RASA3: variants seen among roughly 807,000 people sequenced by gnomAD.
RASA3 encodes the protein ras GTPase-activating protein 3.
In RASA3, 73 loss-of-function variants were observed where a neutral mutation model predicts 110.0. The observed-to-expected ratio is 0.66, with a 90% CI of 0.55 to 0.81. The LOEUF is 0.81. RASA3 is among the 30% of genes least tolerant of loss of function. The pLI, the probability that RASA3 is intolerant of heterozygous loss-of-function variation, is 0.00. For missense variants in RASA3, 976 were observed against 1,113.2 expected (o/e 0.88, Z 1.75); for synonymous variants, 500 against 451.4 (o/e 1.11, Z -1.37).
chr13:114,043,511 G>C (rs1452275724), intron 3 of RASA3, among the ~76,000 whole-genome samples: 1 of 152,136 alleles, frequency 6.6e-6, no homozygotes, highest in Non-Finnish European at 1.5e-5. Context: ...CCCGGACGTA[G>C]ATACAGCACA....
In RASA3 at chr13:114,027,873, G is replaced by A. The variant is rs761959239; in HGVS notation, c.504C>T (p.Ala168=). 1 of 1,613,988 alleles carries A rather than the reference G, an allele frequency of 6.2e-7. No homozygotes were observed. The highest frequency in any genetic ancestry group is 8.5e-7 in the Non-Finnish European group (1 of 1,180,026). The stretch of plus-strand genomic sequence containing the variant: ...TGAAGGGTCCTGCCAGCGTCACGGT[G>A]GCGTAGGGGTCACATTGCCCATTCA... The part of the protein sequence containing the change: ...PIVNGQCDPY[A]TVTLAGPFRS... Residue 168 remains alanine (A), a synonymous_variant, in exon 6 of 24, where the codon GCC becomes GCT. Transcript: ENST00000334062.
intron 9 of RASA3, 70 bp from the exon 10 acceptor site, chr13:114,018,989 C>G: frequency 6.3e-7 from 1 of 1,580,866 alleles, no homozygotes; most frequent in Non-Finnish European, 8.6e-7. Flanking sequence ...TCAGGGAAGC[C>G]CAGCTGCCTG....
chr13:114,062,072 C>T (rs1339794304), intron 2 of RASA3, among the ~76,000 whole-genome samples: 5 of 152,184 alleles, frequency 3.3e-5, no homozygotes, highest in Non-Finnish European at 7.3e-5. Flanking sequence ...GGTTCCATCT[C>T]CCTTTCCACT....
intron 7 of RASA3, among the ~76,000 whole-genome samples, chr13:114,025,320 C>T (rs1395272427): frequency 6.6e-6 from 1 of 152,250 alleles, no homozygotes; most frequent in Non-Finnish European, 1.5e-5. Flanking sequence ...GCTGACGCCT[C>T]CTCCTTCCTG....
chr13:114,063,840 A>G (rs1425396055), intron 2 of RASA3, among the ~76,000 whole-genome samples: 1 of 152,242 alleles, frequency 6.6e-6, no homozygotes, highest in Non-Finnish European at 1.5e-5. Context: ...CGTCTTATAA[A>G]TATTTCTACA....
intron 1 of RASA3, among the ~76,000 whole-genome samples, chr13:114,122,143 C>T (rs1020047712): frequency 3.9e-5 from 6 of 152,364 alleles, no homozygotes; most frequent in Admixed American, 1.3e-4. Context: ...CCGGCCACGG[C>T]GGCAGAGCTT....
intron 19 of RASA3, 120 bp downstream of exon 19, chr13:114,000,683 AGGGCTCTGGGTCACCGCGGCCCC>A (rs2053373381): frequency 1.6e-6 from 1 of 637,772 alleles, no homozygotes; most frequent in Admixed American, 2.8e-5. Flanking sequence ...CCAGAAGCAG[AGGGCTCTGGGTCACCGCGGCCCC>A]GGGCTCTGCC....
intron 4 of RASA3, among the ~76,000 whole-genome samples, chr13:114,039,796 T>C (rs1333434169): frequency 2.0e-5 from 3 of 152,220 alleles, no homozygotes; most frequent in Non-Finnish European, 4.4e-5. Context: ...GCCCCAGCAC[T>C]GGAGCCCCCG....
At chr13:114,050,938 A>G (rs1018751851) in intron 3 of RASA3, among the ~76,000 whole-genome samples, 9 of 152,242 alleles carry the variant, frequency 5.9e-5, no homozygotes, top group Admixed American at 5.9e-4. Context: ...AGGAACAGGG[A>G]CGATGAAGAA....
At chr13:114,106,122 G>A (rs2080132717) in intron 1 of RASA3, among the ~76,000 whole-genome samples, 1 of 152,202 alleles carries the variant, frequency 6.6e-6, no homozygotes, top group African/African-American at 2.4e-5. Context: ...TGGCAGAGCG[G>A]CACACGGCCT....
rs982363820 is a variant in RASA3, at chr13:114,014,096, G to A, written c.1406-848C>T. Reference sequence around the variant, plus strand: ...TCCGTCTGTCTCTGCCTCTCTCTCCGTCTCTCCCTGTCTCTCTCTCTCTCT... The same window carrying A: ...TCCGTCTGTCTCTGCCTCTCTCTCCATCTCTCCCTGTCTCTCTCTCTCTCT... On this transcript the variant is annotated intron_variant, in intron 14 of 23. Transcript: ENST00000334062. The surrounding 1 kb of genome is among the most constrained non-coding windows in gnomAD (Gnocchi z 4.5). Among the ~76,000 whole-genome samples the A allele has an allele frequency of 7.0e-5, 7 of 99,350 alleles. No individual in the cohort carries two copies. Among genetic ancestry groups the A allele is most frequent in the African/African-American group, 1.9e-4 (5 of 26,838 alleles). 65.2% of individuals were successfully genotyped at this position (99,350 alleles called of 152,430 possible).
At chr13:114,033,912 G>C (rs993596592) in intron 4 of RASA3, among the ~76,000 whole-genome samples, 2 of 152,234 alleles carry the variant, frequency 1.3e-5, no homozygotes, top group Admixed American at 1.3e-4. Context: ...TGTGGGCGGG[G>C]AAAACAGGTG....
chr13:114,109,747 G>C (rs962244223), intron 1 of RASA3, among the ~76,000 whole-genome samples: 2 of 151,768 alleles, frequency 1.3e-5, no homozygotes, highest in African/African-American at 4.8e-5. Flanking sequence ...GCCGTGAGCA[G>C]CCTCCTCCTG....
At chr13:114,102,560 C>A (rs1465632401) in intron 1 of RASA3, among the ~76,000 whole-genome samples, 2 of 152,178 alleles carry the variant, frequency 1.3e-5, no homozygotes, top group East Asian at 3.9e-4. Context: ...GCCCTCTACA[C>A]ACAAACTCTC....
chr13:114,035,413 G>A (rs1298584064), intron 4 of RASA3, among the ~76,000 whole-genome samples: 4 of 152,262 alleles, frequency 2.6e-5, no homozygotes, highest in African/African-American at 9.6e-5. Context: ...TGTGGCTGCA[G>A]TGTCACCCAT....
At chr13:114,030,557 G>A (rs543978496) in intron 4 of RASA3, among the ~76,000 whole-genome samples, 9 of 149,398 alleles carry the variant, frequency 6.0e-5, no homozygotes, top group Non-Finnish European at 1.3e-4. Flanking sequence ...CACACAGACA[G>A]CAAGGCTCAC....
intron 1 of RASA3, among the ~76,000 whole-genome samples, chr13:114,119,922 G>A (rs1405578925): frequency 8.1e-5 from 1 of 12,360 alleles, no homozygotes; most frequent in Admixed American, 5.2e-4. Flanking sequence ...CTCCAGCCAG[G>A]CGTCGATCAG....
intron 1 of RASA3, among the ~76,000 whole-genome samples, chr13:114,098,667 G>A (rs78526797): frequency 2.7e-3 from 404 of 152,170 alleles, no homozygotes; most frequent in African/African-American, 9.1e-3. Context: ...CATGGAGGCC[G>A]GCTGAGAGTC....
intron 4 of RASA3, among the ~76,000 whole-genome samples, chr13:114,033,118 G>T (rs2054206035): frequency 1.8e-5 from 1 of 54,262 alleles, no homozygotes; most frequent in Non-Finnish European, 3.2e-5. Context: ...TTGACACCAC[G>T]TTCCACGGAA....
Sources: gnomAD v4.1 joint callset for allele counts (sites outside exome capture counted in the v4.1 genomes callset) on GRCh38, gnomAD v4.1.1 for gene constraint, Gnocchi (gnomAD v3.1) non-coding constraint, MANE v1.5 for transcripts, NCBI Gene and HGNC (gene_info 2026-07-23, HGNC 2026-07-21) for gene names.